FBXW7: variants seen among roughly 807,000 people sequenced by gnomAD.
FBXW7 encodes F-box/WD repeat-containing protein 7.
A neutral mutation model predicts 86.3 loss-of-function variants in FBXW7; 11 were observed. That is an observed-to-expected ratio of 0.13 (90% CI 0.08 to 0.21). The LOEUF (loss-of-function observed/expected upper bound fraction) is 0.21, where lower values mean the gene tolerates loss of function less well. Among genes scored for constraint, FBXW7 ranks in the 10% least tolerant of loss-of-function variants. FBXW7 has a pLI of 1.00. For missense variants in FBXW7, 488 were observed against 847.4 expected, an observed-to-expected ratio of 0.58 and a Z score of 5.27; for synonymous variants, 313 against 297.9, an observed-to-expected ratio of 1.05 and a Z score of -0.52.
intron 2 of FBXW7, among the ~76,000 whole-genome samples, chr4:152,487,149 T>C (rs1745419369): frequency 6.6e-6 from 1 of 152,170 alleles, no homozygotes; most frequent in Non-Finnish European, 1.5e-5. Flanking sequence ...GAAAATCATT[T>C]TGCAAGCATC....
At chr4:152,398,729 T>C (rs572097021) in intron 4 of FBXW7, among the ~76,000 whole-genome samples, 145 of 152,146 alleles carry the variant, frequency 9.5e-4, no homozygotes, top group African/African-American at 3.4e-3. Flanking sequence ...ATCATATTAA[T>C]TTATAGAAAA....
At chr4:152,382,624 A>C (rs1322670172) in intron 4 of FBXW7, 4 of 371,132 alleles carry the variant, frequency 1.1e-5, no homozygotes, top group African/African-American at 2.1e-5. Flanking sequence ...ATACAAAGTC[A>C]GTAATGTGAA....
rs1211794984 is a variant in FBXW7 at position 152,367,940 on chromosome 4, GT to G, written c.502-17817del. ...ATATAAAGAAGAAAAAAACTGGTAA[GT>G]TTTTTTTGGAGGAGGTATGGTTTGC... On this transcript the variant is annotated intron_variant, in intron 4 of 13. Coordinates refer to ENST00000281708, the MANE Select transcript of FBXW7 (RefSeq NM_001349798.2). Among the ~76,000 whole-genome samples the G allele has an allele frequency of 9.2e-5, 14 of 151,744 alleles. No homozygotes were observed. In the South Asian group the frequency reaches 1.3e-3, roughly 14 times the overall value.
intron 2 of FBXW7, among the ~76,000 whole-genome samples, chr4:152,516,219 C>T (rs1560990388): frequency 6.6e-6 from 1 of 152,190 alleles, no homozygotes; most frequent in Non-Finnish European, 1.5e-5. Context: ...GAGCAGGGGT[C>T]CACAACTGGT....
At chr4:152,471,448 AGAAGGAAGGAGG>A (rs1045765466) in intron 2 of FBXW7, among the ~76,000 whole-genome samples, 3 of 124,966 alleles carry the variant, frequency 2.4e-5, no homozygotes, top group African/African-American at 6.0e-5. Context: ...AAGGAAAGAG[AGAAGGAAGGAGG>A]GAAGGAAGGA....
intron 2 of FBXW7, among the ~76,000 whole-genome samples, chr4:152,449,085 C>T (rs1741676108): frequency 1.3e-5 from 2 of 152,192 alleles, no homozygotes; most frequent in Admixed American, 1.3e-4. Flanking sequence ...AAAAGAACTG[C>T]TGCTGCATTG....
chr4:152,326,566 T>C (rs945251456), intron 11 of FBXW7, among the ~76,000 whole-genome samples: 4 of 152,030 alleles, frequency 2.6e-5, no homozygotes, highest in Non-Finnish European at 4.4e-5. Flanking sequence ...TCTAAATATA[T>C]ACAATAAGAT....
At chr4:152,524,828 G>GA (rs997049443) in intron 2 of FBXW7, among the ~76,000 whole-genome samples, 3 of 152,132 alleles carry the variant, frequency 2.0e-5, no homozygotes, top group African/African-American at 4.8e-5. Flanking sequence ...CCGCAGGGGG[G>GA]AAAAATCCAC....
chr4:152,348,845 C>G, intron 5 of FBXW7: 1 of 241,414 alleles, frequency 4.1e-6, no homozygotes, highest in Non-Finnish European at 7.6e-6. Context: ...TCCCTCCACA[C>G]CCTCTGGTGG....
At chr4:152,382,889 AAC>A (rs1352946665) in intron 4 of FBXW7, among the ~76,000 whole-genome samples, 15 of 152,122 alleles carry the variant, frequency 9.9e-5, no homozygotes, top group African/African-American at 3.1e-4. Flanking sequence ...GTTTAAAAAA[AAC>A]ACACACACAT....
chr4:152,502,411 A>ATG (rs1747040405), intron 2 of FBXW7, among the ~76,000 whole-genome samples: 2 of 152,240 alleles, frequency 1.3e-5, no homozygotes, highest in Admixed American at 1.3e-4. Flanking sequence ...AAATTAACTA[A>ATG]TTTACAGTTA....
chr4:152,334,998 T>C (rs1359382070), intron 7 of FBXW7, among the ~76,000 whole-genome samples: 1 of 152,218 alleles, frequency 6.6e-6, no homozygotes, highest in African/African-American at 2.4e-5. Flanking sequence ...AACAAGGTTA[T>C]GTCTTACAAG....
rs998428097 is a variant in FBXW7, at chr4:152,323,053, A to G, written c.1952T>C (p.Leu651Ser). ...SDDGTVKLWD[L>S]KTGEFIRNLV... ...GTTTCGAATAAATTCACCCGTTTTCAAGTCCCATAGTTTTACAGTTCCATC... is the reference window on the plus strand; with the variant it reads ...GTTTCGAATAAATTCACCCGTTTTCGAGTCCCATAGTTTTACAGTTCCATC... The change falls in exon 14 of 14, where the codon TTG becomes TCG. Residue 651 changes from leucine to serine, a missense_variant. Around this residue, in one of 4 missense-constraint regions of FBXW7, gnomAD observed 142 missense variants for 406.6 expected, o/e 0.35. Coordinates refer to ENST00000281708, the MANE Select transcript of FBXW7 (RefSeq NM_001349798.2). 1 of 1,613,904 alleles carries G rather than the reference A, an allele frequency of 6.2e-7. No individual in the cohort carries two copies. Among genetic ancestry groups the G allele is most frequent in the Non-Finnish European group, 8.5e-7 (1 of 1,179,846 alleles).
intron 13 of FBXW7, chr4:152,323,502 T>A (rs1728728476): frequency 3.5e-6 from 1 of 286,676 alleles, no homozygotes; most frequent in Admixed American, 4.7e-5. Context: ...CACTAAGAGA[T>A]CTATTACCCC....
intron 4 of FBXW7, among the ~76,000 whole-genome samples, chr4:152,370,830 G>GAA (rs1394809571): frequency 6.6e-6 from 1 of 151,104 alleles, no homozygotes; most frequent in Non-Finnish European, 1.5e-5. Context: ...TAATATTTGA[G>GAA]AAAGACTCAC....
chr4:152,509,807 C>T (rs1747794337), intron 2 of FBXW7, among the ~76,000 whole-genome samples: 1 of 152,136 alleles, frequency 6.6e-6, no homozygotes, highest in Admixed American at 6.5e-5. Context: ...AATGGGTTGT[C>T]CTACTGACAC....
rs184428446 is a variant in FBXW7, at chr4:152,355,387, A to T, written c.502-5263T>A. On this transcript the variant is annotated intron_variant, in intron 4 of 13. Transcript: ENST00000281708. ...TTATCTATGTTAAATAAGTTTTTTT[A>T]AAGTATTTTATGCCTTACACTAAAA... is the stretch of plus-strand genomic sequence containing the variant. Among the ~76,000 whole-genome samples, 643 of 152,216 alleles carry T rather than the reference A, an allele frequency of 4.2e-3. 3 individuals carry two copies. Among genetic ancestry groups the T allele is most frequent in the Non-Finnish European group, 6.7e-3 (454 of 67,968 alleles).
At chr4:152,352,865 C>T in intron 4 of FBXW7, 1 of 1,476,090 alleles carries the variant, frequency 6.8e-7, no homozygotes, top group Non-Finnish European at 8.9e-7. Context: ...GATCAGATTA[C>T]ATCTTCCCTT....
intron 4 of FBXW7, among the ~76,000 whole-genome samples, chr4:152,398,475 T>A (rs1167326214): frequency 6.6e-6 from 1 of 152,020 alleles, no homozygotes; most frequent in African/African-American, 2.4e-5. Context: ...CATATTAGAA[T>A]ATCCAGTGAA....
Sources: gnomAD v4.1 joint callset for allele counts (sites outside exome capture counted in the v4.1 genomes callset) on GRCh38, gnomAD v4.1.1 for gene constraint, gnomAD v4.1.1 regional missense constraint, MANE v1.5 for transcripts, NCBI Gene and HGNC (gene_info 2026-07-23, HGNC 2026-07-21) for gene names.